Variants in GIMAP2 observed in about 807,000 individuals in gnomAD.
The protein encoded by GIMAP2 is GTPase IMAP family member 2.
In GIMAP2, 22 loss-of-function variants were observed where a neutral mutation model predicts 25.5. That is an observed-to-expected ratio of 0.86 (90% confidence interval 0.62 to 1.23). The LOEUF (loss-of-function observed/expected upper bound fraction) is 1.23. GIMAP2 is among the 50% of genes most tolerant of loss of function. GIMAP2 has a pLI of 0.00. For missense variants in GIMAP2, 422 were observed against 395.7 expected (o/e 1.07, Z -0.56); for synonymous variants, 167 against 143.0 (o/e 1.17, Z -1.20).
chr7:150,691,531 C>G (rs1486813810), intron 2 of GIMAP2, among the ~76,000 whole-genome samples: 1 of 152,200 alleles, frequency 6.6e-6, no homozygotes, highest in Non-Finnish European at 1.5e-5. Flanking sequence ...TGTTTCTTCA[C>G]TAATAAAAAT....
chr7:150,686,603 C>T (rs1200330924), intron 1 of GIMAP2, among the ~76,000 whole-genome samples: 4 of 152,126 alleles, frequency 2.6e-5, no homozygotes, highest in African/African-American at 4.8e-5. Context: ...CTTTCCCACC[C>T]ACCTTGTCCC....
Position 150,692,535 on chromosome 7 carries a change from T to C in GIMAP2, c.249T>C (p.Ser83=). ...IVIIDTPDMF[S]WKDHCEALYK... is the part of the protein sequence containing the mutation. The stretch of plus-strand genomic sequence containing the variant: ...TTATTGACACACCAGATATGTTTTC[T>C]TGGAAGGACCACTGTGAAGCTCTGT... The change falls in exon 3 of 3, where the codon TCT becomes TCC. Residue 83 remains serine (S), a synonymous_variant. Transcript: ENST00000223293. 6.2e-7 allele frequency: 1 copy of C among 1,614,144 alleles called. No individual in the cohort carries two copies. The highest frequency in any genetic ancestry group is 8.5e-7 in the Non-Finnish European group (1 of 1,180,016).
chr7:150,693,186 C>A lies in GIMAP2; in HGVS notation c.900C>A (p.Cys300Ter). Residue 300 changes from cysteine to a stop codon, truncating the protein, a stop_gained, in exon 3 of 3, where the codon TGC becomes TGA. Transcript: ENST00000223293. LOFTEE classifies it high-confidence loss of function. ...ACAGCATGTGCAATTTGTTTTGTTG[C>A]TTACTCTTTAGTATGTGCAATTTAT... Reference protein sequence around the residue: ...ILHSMCNLFCCLLFSMCNLFC... With the variant: ...ILHSMCNLFC 6.2e-7 allele frequency: 1 copy of A among 1,612,836 alleles called. No individual in the cohort carries two copies. The highest frequency in any genetic ancestry group is 8.5e-7 in the Non-Finnish European group (1 of 1,179,240).
chr7:150,687,107 TG>T lies in GIMAP2; in HGVS notation c.28+21del, dbSNP rs1554513799. The T allele has an allele frequency of 4.5e-4, 20 of 44,800 alleles. No individual in the cohort carries two copies. The highest frequency in any genetic ancestry group is 7.6e-4 in the Non-Finnish European group (20 of 26,160). The allele number at this position is 44,800 out of a possible 1,614,324, so 2.8% of individuals were successfully genotyped here. On this transcript the variant is annotated intron_variant, in intron 2 of 2. Transcript: ENST00000223293. ...ACTGGGGTAAGAAGGTGACTTCACG[TG>T]TGTGTGTGTGTGTGTGTGTGTGTGT...
In GIMAP2 at chr7:150,693,375, A is replaced by T. The variant is rs190380114; in HGVS notation, c.*75A>T. 25 of 925,316 alleles carry T rather than the reference A, an allele frequency of 2.7e-5. No homozygotes were observed. In the African/African-American group the frequency reaches 3.3e-4, roughly 12 times the overall value. The allele number at this position is 925,316 out of a possible 1,614,324, so 57.3% of individuals were successfully genotyped here. On this transcript the variant is annotated 3_prime_UTR_variant, in exon 3 of 3. Coordinates refer to ENST00000223293, the MANE Select transcript of GIMAP2 (RefSeq NM_015660.3). ...CAGTAATTTCCCTGTAAAATGTGGT[A>T]CCTGAAGTCATATTTGAGATTCTAT...
intron 2 of GIMAP2, among the ~76,000 whole-genome samples, chr7:150,691,487 A>G (rs1194479549): frequency 6.6e-6 from 1 of 152,230 alleles, no homozygotes; most frequent in African/African-American, 2.4e-5. Flanking sequence ...ATGCTTTCTA[A>G]GCAAAATTAT....
At position 150,693,413 on chromosome 7, in the gene GIMAP2, T is replaced by A; in HGVS notation, c.*113T>A. 1.5e-6 allele frequency: 1 copy of A among 666,372 alleles called. No individual in the cohort carries two copies. The highest frequency in any genetic ancestry group is 2.1e-5 in the South Asian group (1 of 47,330). 41.3% of individuals were successfully genotyped at this position (666,372 alleles called of 1,614,324 possible). A position where few individuals can be genotyped will look rare whatever the true frequency, so the allele number is the denominator to read the frequency against. ...TTTGAGATTCTATGAAATGTTTAAA[T>A]CTGAACATCACTCCAATTATTAATG... On this transcript the variant is annotated 3_prime_UTR_variant, in exon 3 of 3. Transcript: ENST00000223293.
chr7:150,687,127 TG>T, intron 2 of GIMAP2, 40 bp downstream of exon 2: 1 of 1,016,806 alleles, frequency 9.8e-7, no homozygotes, highest in Non-Finnish European at 1.5e-6. Context: ...TGTGTGTGTG[TG>T]TGTGTGTGTG....
In GIMAP2 at chr7:150,693,552, T is replaced by G; in HGVS notation, c.*252T>G. 1 of 359,518 alleles carries G rather than the reference T, an allele frequency of 2.8e-6. No individual in the cohort carries two copies. The highest frequency in any genetic ancestry group is 5.0e-6 in the Non-Finnish European group (1 of 199,494). The allele number at this position is 359,518 out of a possible 1,614,324, so 22.3% of individuals were successfully genotyped here. A position where few individuals can be genotyped will look rare whatever the true frequency, so the allele number is the denominator to read the frequency against. Reference sequence around the variant, plus strand: ...CAAATATCTAAAGCCAGTTTTATGTTCCTAAAATCTCATTTTCTTCTTTCT... The same window carrying G: ...CAAATATCTAAAGCCAGTTTTATGTGCCTAAAATCTCATTTTCTTCTTTCT... On this transcript the variant is annotated 3_prime_UTR_variant, in exon 3 of 3. Transcript: ENST00000223293.
chr7:150,686,935 C>T, intron 1 of GIMAP2, 117 bp from the exon 2 acceptor site: 2 of 627,450 alleles, frequency 3.2e-6, no homozygotes, highest in Non-Finnish European at 4.9e-6. Flanking sequence ...CAGAGTGAAA[C>T]TGTGTCTCAA....
intron 2 of GIMAP2, among the ~76,000 whole-genome samples, chr7:150,690,090 C>T (rs1413093595): frequency 1.3e-5 from 2 of 152,200 alleles, no homozygotes; most frequent in Non-Finnish European, 2.9e-5. Context: ...ACTATAAATA[C>T]ATGCTAGGAA....
chr7:150,689,538 G>A, intron 2 of GIMAP2: 1 of 703,110 alleles, frequency 1.4e-6, no homozygotes, highest in South Asian at 1.5e-5. Context: ...GCAAGCTCCA[G>A]CGCGGTGTAT....
At position 150,692,496 on chromosome 7, in the gene GIMAP2, TAG is replaced by T. The variant is rs780589798; in HGVS notation, c.216_217del (p.Glu72AspfsTer5). 29 of 1,613,944 alleles carry T rather than the reference TAG, an allele frequency of 1.8e-5. No homozygotes were observed. The highest frequency in any genetic ancestry group is 2.4e-5 in the Non-Finnish European group (28 of 1,179,990). On this transcript the variant is annotated frameshift_variant, in exon 3 of 3. Transcript: ENST00000223293. LOFTEE classifies it high-confidence loss of function. ...GCAAAAGTCAGGGAAGCTGGGGAAA[TAG>T]AGAGATTGTCATTATTGACACACCA... Reference protein sequence around the residue: ...CSKSQGSWGNREIVIIDTPDM... With the variant: ...CSKSQGSWGNXEIVIIDTPDM...
rs1796910978 is a variant in GIMAP2, at chr7:150,687,098, G to C, written c.28+11G>C. 1 of 1,596,708 alleles carries C rather than the reference G, an allele frequency of 6.3e-7. No homozygotes were observed. Among genetic ancestry groups the C allele is most frequent in the Admixed American group, 1.7e-5 (1 of 59,108 alleles). On this transcript the variant is annotated intron_variant, in intron 2 of 2. Coordinates refer to ENST00000223293, the MANE Select transcript of GIMAP2 (RefSeq NM_015660.3). ...AACACAGTCACTGGGGTAAGAAGGT[G>C]ACTTCACGTGTGTGTGTGTGTGTGT...
rs115945256 is a variant in GIMAP2, at chr7:150,693,167, T to C, written c.881T>C (p.Met294Thr). 8.0e-4 allele frequency: 1,289 copies of C among 1,613,294 alleles called. 8 individuals carry two copies. In the African/African-American group the frequency reaches 9.1e-3, roughly 11 times the overall value. Reference sequence around the variant, plus strand: ...CTGTGGCTTTGCATACTGCACAGCATGTGCAATTTGTTTTGTTGCTTACTC... The same window carrying C: ...CTGTGGCTTTGCATACTGCACAGCACGTGCAATTTGTTTTGTTGCTTACTC... ...IILWLCILHS[M>T]CNLFCCLLFS... is the part of the protein sequence containing the mutation. The change falls in exon 3 of 3, where the codon ATG becomes ACG. Residue 294 changes from methionine (M) to threonine (T), a missense_variant. Transcript: ENST00000223293.
At chr7:150,689,348 C>T in intron 2 of GIMAP2, 2 of 532,032 alleles carry the variant, frequency 3.8e-6, no homozygotes, top group Non-Finnish European at 6.8e-6. Flanking sequence ...TAGAGACCCT[C>T]TCACTTGGCT....
At position 150,693,367 on chromosome 7, in the gene GIMAP2, A is replaced by C. The variant is rs1796991811; in HGVS notation, c.*67A>C. On this transcript the variant is annotated 3_prime_UTR_variant, in exon 3 of 3. Transcript: ENST00000223293. ...GTGAATCACAGTAATTTCCCTGTAA[A>C]ATGTGGTACCTGAAGTCATATTTGA... The C allele has an allele frequency of 9.4e-7, 1 of 1,060,356 alleles. No individual in the cohort carries two copies. Among genetic ancestry groups the C allele is most frequent in the Non-Finnish European group, 1.3e-6 (1 of 742,878 alleles). The allele number at this position is 1,060,356 out of a possible 1,614,324, so 65.7% of individuals were successfully genotyped here.
chr7:150,691,973 T>G (rs1171343188), intron 2 of GIMAP2, among the ~76,000 whole-genome samples: 1 of 151,844 alleles, frequency 6.6e-6, no homozygotes, highest in African/African-American at 2.4e-5. Context: ...CTCACGCCAG[T>G]AATCCCAGCA....
rs988747987 is a variant in GIMAP2 at position 150,687,231 on chromosome 7, C to T, written c.28+144C>T. The T allele has an allele frequency of 5.9e-6, 4 of 679,202 alleles. No individual in the cohort carries two copies. In the African/African-American group the frequency reaches 7.4e-5, roughly 13 times the overall value. 42.1% of individuals were successfully genotyped at this position (679,202 alleles called of 1,614,324 possible). A position where few individuals can be genotyped will look rare whatever the true frequency, so the allele number is the denominator to read the frequency against. On this transcript the variant is annotated intron_variant, in intron 2 of 2. Transcript: ENST00000223293. Reference sequence around the variant, plus strand: ...ATTCTAACTCCCACAGCTACCACCACCAGCAGCTGAAAATTGTGGGGTTTT... The same window carrying T: ...ATTCTAACTCCCACAGCTACCACCATCAGCAGCTGAAAATTGTGGGGTTTT...
Sources: allele counts gnomAD v4.1 joint callset (sites outside exome capture counted in the v4.1 genomes callset), GRCh38; gene constraint gnomAD v4.1.1; transcripts MANE v1.5; gene names NCBI Gene and HGNC (gene_info 2026-07-23, HGNC 2026-07-21).